DNAJA4: variants seen among roughly 807,000 people sequenced by gnomAD.
DNAJA4 encodes the protein dnaJ homolog subfamily A member 4.
In DNAJA4, 32 loss-of-function variants were observed where a neutral mutation model predicts 39.7. The ratio of observed to expected loss-of-function variants is 0.81; its 90% CI spans 0.61 to 1.08. DNAJA4 has a LOEUF of 1.08. DNAJA4 is among the 50% of genes least tolerant of loss of function. The pLI, the probability that DNAJA4 is intolerant of heterozygous loss-of-function variation, is 0.00. For synonymous variants in DNAJA4, 184 were observed against 182.4 expected (o/e 1.01, Z -0.07); for missense variants, 439 against 505.1 (o/e 0.87, Z 1.25).
chr15:78,272,665 C>T (rs1375844826), intron 2 of DNAJA4, among the ~76,000 whole-genome samples: 1 of 152,216 alleles, frequency 6.6e-6, no homozygotes, highest in African/African-American at 2.4e-5. Context: ...AAGTAAAGTG[C>T]TTTATGCCCA....
chr15:78,279,582 G>C lies in DNAJA4; in HGVS notation c.878-463G>C, dbSNP rs969350917. 2 of 164,968 alleles carry C rather than the reference G, an allele frequency of 1.2e-5. No homozygotes were observed. The highest frequency in any genetic ancestry group is 2.4e-5 in the African/African-American group (1 of 41,714). The allele number at this position is 164,968 out of a possible 1,614,324, so 10.2% of individuals were successfully genotyped here. A position where few individuals can be genotyped will look rare whatever the true frequency, so the allele number is the denominator to read the frequency against. On this transcript the variant is annotated intron_variant, in intron 5 of 6. Transcript: ENST00000394852. This position sits in a 1 kb window ranked among gnomAD's most constrained non-coding sequence, Gnocchi z 4.5. ...CCAAGGAACCTGGGTGTCACCTGCA[G>C]GTGGCCAAGAGCCAGTTTTTATGCC...
intron 1 of DNAJA4, among the ~76,000 whole-genome samples, chr15:78,269,005 C>T (rs1261500623): frequency 1.3e-5 from 2 of 152,122 alleles, no homozygotes; most frequent in Non-Finnish European, 1.5e-5. Context: ...AGAGATGAGT[C>T]GGGAGGCCGC....
intron 5 of DNAJA4, among the ~76,000 whole-genome samples, chr15:78,276,779 G>GTAACC (rs2049474743): frequency 6.6e-6 from 1 of 152,238 alleles, no homozygotes; most frequent in Non-Finnish European, 1.5e-5. Context: ...AGGCAGGGAG[G>GTAACC]TAACCACCAA....
At chr15:78,272,979 C>T in intron 2 of DNAJA4, 116 bp from the exon 3 acceptor site, 1 of 698,096 alleles carries the variant, frequency 1.4e-6, no homozygotes, top group East Asian at 2.6e-5. Flanking sequence ...GAGCGCATGA[C>T]CCAGCCACAG....
intron 1 of DNAJA4, chr15:78,265,559 A>G: frequency 1.4e-6 from 1 of 702,374 alleles, no homozygotes; most frequent in Non-Finnish European, 2.6e-6. Flanking sequence ...ACAGTTGATC[A>G]TAAGTACCAA....
At position 78,264,664 on chromosome 15, in the gene DNAJA4, GCGGGCGGCGGGGGC is replaced by G. The variant is rs2049067634; in HGVS notation, c.-99_-86del. ...CGGCGACCGTGACCGTGACGCGCGA[GCGGGCGGCGGGGGC>G]GCGGGCCAGGGGCGCGGGCCAGGGT... On this transcript the variant is annotated 5_prime_UTR_variant, in exon 1 of 7. Coordinates refer to ENST00000394852, the MANE Select transcript of DNAJA4 (RefSeq NM_001130182.2). 36 of 1,015,654 alleles carry G rather than the reference GCGGGCGGCGGGGGC, an allele frequency of 3.5e-5. No individual in the cohort carries two copies. The highest frequency in any genetic ancestry group is 4.5e-5 in the South Asian group (1 of 22,392). The allele number at this position is 1,015,654 out of a possible 1,614,324, so 62.9% of individuals were successfully genotyped here. A position where few individuals can be genotyped will look rare whatever the true frequency, so the allele number is the denominator to read the frequency against.
rs1595930945 is a variant in DNAJA4 at position 78,281,356 on chromosome 15, A to G, written c.*896A>G. The stretch of plus-strand genomic sequence containing the variant: ...CATGGCACAGCCAGCTTCTCTGACC[A>G]GTAATCCGGGGTGACTTGAGGGTCT... On this transcript the variant is annotated 3_prime_UTR_variant, in exon 7 of 7. Coordinates refer to ENST00000394852, the MANE Select transcript of DNAJA4 (RefSeq NM_001130182.2). 1 of 152,658 alleles carries G rather than the reference A, an allele frequency of 6.6e-6. No individual in the cohort carries two copies. The highest frequency in any genetic ancestry group is 1.9e-4 in the East Asian group (1 of 5,192). The allele number at this position is 152,658 out of a possible 1,614,324, so 9.5% of individuals were successfully genotyped here.
intron 1 of DNAJA4, among the ~76,000 whole-genome samples, chr15:78,268,650 G>T (rs557370709): frequency 2.8e-4 from 42 of 152,176 alleles, no homozygotes; most frequent in Admixed American, 4.6e-4. Flanking sequence ...CGACTAAACT[G>T]TAGCCTCTGG....
upstream of DNAJA4, chr15:78,264,497 C>A: frequency 8.0e-7 from 1 of 1,242,520 alleles, no homozygotes; most frequent in Non-Finnish European, 1.0e-6. Context: ...TGTGGCGTCA[C>A]CGTCTCCTTG....
Position 78,279,342 on chromosome 15 carries a change from C to G in DNAJA4, c.878-703C>G, listed in dbSNP as rs935146178. 1.3e-5 allele frequency: 2 copies of G among 152,316 alleles called. No individual in the cohort carries two copies. The highest frequency in any genetic ancestry group is 1.3e-4 in the Admixed American group (2 of 15,290). 9.4% of individuals were successfully genotyped at this position (152,316 alleles called of 1,614,324 possible). On this transcript the variant is annotated intron_variant, in intron 5 of 6. Transcript: ENST00000394852. The surrounding 1 kb of genome is among the most constrained non-coding windows in gnomAD (Gnocchi z 4.5). ...TGCTTTATCAGAAACCCTTTTGTCCCTTTCCTTTTCCATGCTTAGAGGGAA... is the reference window on the plus strand; with the variant it reads ...TGCTTTATCAGAAACCCTTTTGTCCGTTTCCTTTTCCATGCTTAGAGGGAA...
chr15:78,279,838 C>T lies in DNAJA4; in HGVS notation c.878-207C>T. 1.7e-6 allele frequency: 1 copy of T among 598,726 alleles called. No homozygotes were observed. Among genetic ancestry groups the T allele is most frequent in the South Asian group, 2.0e-5 (1 of 50,090 alleles). The allele number at this position is 598,726 out of a possible 1,614,324, so 37.1% of individuals were successfully genotyped here. Reference sequence around the variant, plus strand: ...TGACACACTGCTGGAGCCCAGAGCACAGGCCAGAGTCTCAGCCTGAGCCCC... The same window carrying T: ...TGACACACTGCTGGAGCCCAGAGCATAGGCCAGAGTCTCAGCCTGAGCCCC... On this transcript the variant is annotated intron_variant, in intron 5 of 6. Coordinates refer to ENST00000394852, the MANE Select transcript of DNAJA4 (RefSeq NM_001130182.2). This position sits in a 1 kb window ranked among gnomAD's most constrained non-coding sequence, Gnocchi z 4.5.
Position 78,280,712 on chromosome 15 carries a change from G to A in DNAJA4, c.*252G>A. ...TGGAATCTGTTCATTTCTATTTTCA[G>A]GATATACTTTTGAGATGTCAGTGAT... On this transcript the variant is annotated 3_prime_UTR_variant, in exon 7 of 7. Transcript: ENST00000394852. 1 of 402,748 alleles carries A rather than the reference G, an allele frequency of 2.5e-6. No homozygotes were observed. Among genetic ancestry groups the A allele is most frequent in the Non-Finnish European group, 4.4e-6 (1 of 225,108 alleles). 24.9% of individuals were successfully genotyped at this position (402,748 alleles called of 1,614,324 possible).
chr15:78,273,094 G>T lies in DNAJA4; in HGVS notation c.314-1G>T. On this transcript the variant is annotated splice_acceptor_variant, in intron 2 of 6. Transcript: ENST00000394852. LOFTEE classifies it high-confidence loss of function. ...ACTAATTTTTTTTCTCCCTTGCTAAGGCAAGAATGTTGTACACCAGTTATC... is the reference window on the plus strand; with the variant it reads ...ACTAATTTTTTTTCTCCCTTGCTAATGCAAGAATGTTGTACACCAGTTATC... 6.4e-7 allele frequency: 1 copy of T among 1,570,350 alleles called. No individual in the cohort carries two copies. The highest frequency in any genetic ancestry group is 2.2e-5 in the East Asian group (1 of 44,648).
At position 78,275,655 on chromosome 15, in the gene DNAJA4, T is replaced by C. The variant is rs2049433848; in HGVS notation, c.804T>C (p.Ser268=). The C allele has an allele frequency of 6.2e-7, 1 of 1,614,182 alleles. No homozygotes were observed. Among genetic ancestry groups the C allele is most frequent in the East Asian group, 2.2e-5 (1 of 44,892 alleles). Residue 268 remains serine, a synonymous_variant, in exon 5 of 7, where the codon TCT becomes TCC. Transcript: ENST00000394852. ...TCATGAAAATGAAAATTCAGCTTTC[T>C]GAAGCTCTTTGTGGCTTCAAGAAGA... is the stretch of plus-strand genomic sequence containing the variant. ...DLIMKMKIQL[S]EALCGFKKTI...
rs1156684973 is a variant in DNAJA4 at position 78,280,265 on chromosome 15, CT to C, written c.1000del (p.Trp334GlyfsTer20). The C allele has an allele frequency of 1.2e-6, 2 of 1,614,068 alleles. No individual in the cohort carries two copies. Among genetic ancestry groups the C allele is most frequent in the African/African-American group, 1.3e-5 (1 of 74,940 alleles). ...QFLVIFPEKH[W>X]LSLEKLPQLE... ...TACAGGTAATCTTTCCTGAAAAACACTGGCTTTCTCTGGAAAAGCTTCCTCA... is the reference window on the plus strand; with the variant it reads ...TACAGGTAATCTTTCCTGAAAAACACGGCTTTCTCTGGAAAAGCTTCCTCA... On this transcript the variant is annotated frameshift_variant, in exon 7 of 7. Coordinates refer to ENST00000394852, the MANE Select transcript of DNAJA4 (RefSeq NM_001130182.2). LOFTEE classifies it low-confidence loss of function (END_TRUNC).
Position 78,270,504 on chromosome 15 carries a change from T to G in DNAJA4, c.140T>G (p.Leu47Arg), listed in dbSNP as rs1326743525. The G allele has an allele frequency of 6.2e-7, 1 of 1,612,766 alleles. No homozygotes were observed. The highest frequency in any genetic ancestry group is 8.5e-7 in the Non-Finnish European group (1 of 1,179,634). ...KNPDEGEKFK[L>R]ISQAYEVLSD... ...TCTCTCTCTCTTTTAAAGTTTAAAC[T>G]CATATCCCAGGCATATGAAGTGCTT... is the stretch of plus-strand genomic sequence containing the variant. Residue 47 changes from leucine (L) to arginine (R), a missense_variant, in exon 2 of 7, where the codon CTC becomes CGC. Coordinates refer to ENST00000394852, the MANE Select transcript of DNAJA4 (RefSeq NM_001130182.2).
intron 2 of DNAJA4, among the ~76,000 whole-genome samples, chr15:78,272,297 A>G (rs768426103): frequency 2.6e-5 from 4 of 152,222 alleles, no homozygotes; most frequent in Admixed American, 6.5e-5. Flanking sequence ...AGATCGCACC[A>G]CTGCACTCCA....
chr15:78,265,954 G>A (rs1567114479), intron 1 of DNAJA4: 3 of 586,452 alleles, frequency 5.1e-6, no homozygotes, highest in Non-Finnish European at 9.1e-6. Flanking sequence ...CAGGACGGTT[G>A]GCTGAATGGC....
intron 1 of DNAJA4, chr15:78,266,042 C>G: frequency 1.7e-6 from 1 of 594,394 alleles, no homozygotes; most frequent in Non-Finnish European, 3.0e-6. Flanking sequence ...TCCTGTAAGA[C>G]CATTTGTCTG....
Sources: allele counts gnomAD v4.1 joint callset (sites outside exome capture counted in the v4.1 genomes callset), GRCh38; gene constraint gnomAD v4.1.1; non-coding constraint Gnocchi (gnomAD v3.1); transcripts MANE v1.5; gene names NCBI Gene and HGNC (gene_info 2026-07-23, HGNC 2026-07-21).